The following CSDE1 variants were observed in gnomAD, a reference collection of about 807,000 sequenced individuals.
The protein encoded by CSDE1 is cold shock domain-containing protein E1.
A neutral mutation model predicts 89.3 loss-of-function variants in CSDE1; 17 were observed. That is an observed-to-expected ratio of 0.19 (90% CI 0.13 to 0.29). CSDE1 has a LOEUF of 0.29. Ranked by LOEUF, CSDE1 falls within the 10% of genes least tolerant of loss-of-function variation. The pLI, the probability that CSDE1 is intolerant of heterozygous loss-of-function variation, is 1.00. For missense variants in CSDE1, 672 were observed against 984.2 expected, an observed-to-expected ratio of 0.68 and a Z score of 4.24; for synonymous variants, 322 against 332.8, an observed-to-expected ratio of 0.97 and a Z score of 0.35.
chr1:114,756,337 G>A (rs1195171752), intron 1 of CSDE1, among the ~76,000 whole-genome samples: 2 of 152,090 alleles, frequency 1.3e-5, no homozygotes, highest in Non-Finnish European at 2.9e-5. Context: ...GAAACAAAAA[G>A]AAGGCCAAAT....
At chr1:114,731,830 T>C (rs1177077271) in intron 10 of CSDE1, among the ~76,000 whole-genome samples, 1 of 152,210 alleles carries the variant, frequency 6.6e-6, no homozygotes, top group African/African-American at 2.4e-5. Flanking sequence ...TGCAATTATT[T>C]TTTTGAGACA....
intron 1 of CSDE1, among the ~76,000 whole-genome samples, chr1:114,752,564 T>C (rs371769680): frequency 1.3e-5 from 2 of 152,210 alleles, no homozygotes; most frequent in South Asian, 2.1e-4. Flanking sequence ...CCTTACTCTC[T>C]ACTGTGTTCC....
At chr1:114,742,483 G>C (rs1184957051) in intron 2 of CSDE1, among the ~76,000 whole-genome samples, 1 of 152,150 alleles carries the variant, frequency 6.6e-6, no homozygotes, top group Non-Finnish European at 1.5e-5. Context: ...TCAGGAGGGG[G>C]AGGCATGAGA....
chr1:114,733,856 C>T lies in CSDE1; in HGVS notation c.713G>A (p.Gly238Asp). 6.2e-7 allele frequency: 1 copy of T among 1,613,696 alleles called. No individual in the cohort carries two copies. The highest frequency in any genetic ancestry group is 8.5e-7 in the Non-Finnish European group (1 of 1,179,932). Reference sequence around the variant, plus strand: ...TCTGACATCTGTTGCAACTTCTTTACCCTAAATCAGAAGGGGTTGGAGGTG... The same window carrying T: ...TCTGACATCTGTTGCAACTTCTTTATCCTAAATCAGAAGGGGTTGGAGGTG... ...DVEFTIKDRNGKEVATDVRLL... is the reference protein window; with the variant it reads ...DVEFTIKDRNDKEVATDVRLL... Residue 238 changes from glycine to aspartate, a missense_variant and splice_region_variant, in exon 9 of 20, where the codon GGT (glycine) becomes GAT (aspartate). Coordinates refer to ENST00000358528, the MANE Select transcript of CSDE1 (RefSeq NM_001007553.3).
At position 114,717,304 on chromosome 1, in the gene CSDE1, C is replaced by CT. The variant is rs1216766429; in HGVS notation, c.*864dup. The CT allele has an allele frequency of 2.0e-5, 3 of 152,510 alleles. No individual in the cohort carries two copies. Among genetic ancestry groups the CT allele is most frequent in the African/African-American group, 7.2e-5 (3 of 41,432 alleles). The allele number at this position is 152,510 out of a possible 1,614,324, so 9.4% of individuals were successfully genotyped here. The stretch of plus-strand genomic sequence containing the variant: ...AAAACAAGATTCATTTCAGGCACAA[C>CT]TTTTTTATTTTTTTTTGTTTTGTTT... On this transcript the variant is annotated 3_prime_UTR_variant, in exon 20 of 20. Coordinates refer to ENST00000358528, the MANE Select transcript of CSDE1 (RefSeq NM_001007553.3).
chr1:114,727,142 C>G, intron 12 of CSDE1, 52 bp from the exon 13 acceptor site: 1 of 1,257,956 alleles, frequency 7.9e-7, no homozygotes, highest in Non-Finnish European at 1.2e-6. Context: ...GAACAAAAAC[C>G]AATAAAAACA....
chr1:114,756,472 T>C (rs562077622), intron 1 of CSDE1, among the ~76,000 whole-genome samples: 2 of 152,336 alleles, frequency 1.3e-5, no homozygotes, highest in Admixed American at 1.3e-4. Flanking sequence ...ATTATAGTGC[T>C]CCTCAATGCA....
At chr1:114,719,510 C>A in intron 18 of CSDE1, 69 bp downstream of exon 18, 1 of 1,460,200 alleles carries the variant, frequency 6.8e-7, no homozygotes, top group Non-Finnish European at 9.2e-7. Flanking sequence ...AGTGATGTGA[C>A]AAAACAGAGA....
intron 18 of CSDE1, 103 bp downstream of exon 18, chr1:114,719,476 G>A (rs1659389481): frequency 1.8e-6 from 2 of 1,123,008 alleles, no homozygotes; most frequent in Non-Finnish European, 2.5e-6. Context: ...GAAATAATAA[G>A]TGGCAGAAGA....
At chr1:114,737,000 A>G (rs1660440628) in intron 5 of CSDE1, 145 bp from the exon 6 acceptor site, 1 of 603,596 alleles carries the variant, frequency 1.7e-6, no homozygotes, top group Admixed American at 3.1e-5. Context: ...CACTTTATTC[A>G]TATAAACACA....
intron 2 of CSDE1, among the ~76,000 whole-genome samples, chr1:114,742,234 C>G (rs1197732115): frequency 6.6e-6 from 1 of 152,060 alleles, no homozygotes; most frequent in Non-Finnish European, 1.5e-5. Flanking sequence ...ACCGTATTAC[C>G]GTATGCCCGA....
At chr1:114,745,647 T>C (rs1012959277) in intron 2 of CSDE1, among the ~76,000 whole-genome samples, 22 of 152,336 alleles carry the variant, frequency 1.4e-4, no homozygotes, top group Non-Finnish European at 2.2e-4. Context: ...GTTCTACTCA[T>C]ATAGTAGGTA....
intron 2 of CSDE1, among the ~76,000 whole-genome samples, chr1:114,740,419 A>G (rs1185180366): frequency 1.3e-5 from 2 of 152,214 alleles, no homozygotes; most frequent in African/African-American, 4.8e-5. Flanking sequence ...AAACTAGAAA[A>G]TTTCAGAGTA....
chr1:114,720,867 A>C (rs1423792890), intron 16 of CSDE1, 150 bp from the exon 17 acceptor site: 1 of 677,222 alleles, frequency 1.5e-6, no homozygotes, highest in African/African-American at 1.8e-5. Flanking sequence ...CTTAAAGCTT[A>C]AATGAAATCC....
In CSDE1 at chr1:114,757,629, C is replaced by G. The variant is rs1269818626; in HGVS notation, c.-388+296G>C. 2.6e-5 allele frequency among the ~76,000 whole-genome samples: 4 copies of G among 152,094 alleles called. No homozygotes were observed. In the East Asian group the frequency reaches 7.7e-4, roughly 29 times the overall value. On this transcript the variant is annotated intron_variant, in intron 1 of 19. Coordinates refer to ENST00000358528, the MANE Select transcript of CSDE1 (RefSeq NM_001007553.3). ...CCTCTGCCTCCATCTTGGCTGCTGT[C>G]GGAGCCTCCATTTTCGCTCCCTCCC... is the stretch of plus-strand genomic sequence containing the variant.
intron 2 of CSDE1, among the ~76,000 whole-genome samples, chr1:114,747,334 G>A (rs1661065460): frequency 6.6e-6 from 1 of 152,024 alleles, no homozygotes; most frequent in Non-Finnish European, 1.5e-5. Flanking sequence ...CCCTTTAACT[G>A]AACTATTTCA....
At chr1:114,753,776 T>G (rs917392098) in intron 1 of CSDE1, among the ~76,000 whole-genome samples, 2 of 152,046 alleles carry the variant, frequency 1.3e-5, no homozygotes, top group Admixed American at 1.3e-4. Flanking sequence ...ATTCACTGGG[T>G]GTGGTGGCAT....
chr1:114,731,616 A>G (rs797005726), intron 10 of CSDE1, among the ~76,000 whole-genome samples: 1 of 152,204 alleles, frequency 6.6e-6, no homozygotes, highest in Non-Finnish European at 1.5e-5. Flanking sequence ...TGAGTTCATA[A>G]AACATGTTTG....
At chr1:114,753,342 G>C (rs1661408722) in intron 1 of CSDE1, among the ~76,000 whole-genome samples, 1 of 152,162 alleles carries the variant, frequency 6.6e-6, no homozygotes, top group Non-Finnish European at 1.5e-5. Context: ...AGGTCTATTA[G>C]GAGCTATTAA....
Sources: gnomAD v4.1 joint callset for allele counts (sites outside exome capture counted in the v4.1 genomes callset) on GRCh38, gnomAD v4.1.1 for gene constraint, MANE v1.5 for transcripts, NCBI Gene and HGNC (gene_info 2026-07-23, HGNC 2026-07-21) for gene names.